CHSY3: variants seen among roughly 807,000 people sequenced by gnomAD.
The protein encoded by CHSY3 is N-acetylgalactosaminyl-proteoglycan 3-beta-glucuronosyltransferase 3.
Under a neutral mutation model 67.2 loss-of-function variants are expected in CHSY3, and 35 were observed. The ratio of observed to expected loss-of-function variants is 0.52; its 90% confidence interval spans 0.40 to 0.69. The LOEUF (loss-of-function observed/expected upper bound fraction) is 0.69. CHSY3 is among the 30% of genes least tolerant of loss of function. The pLI, the probability that CHSY3 is intolerant of heterozygous loss-of-function variation, is 0.00. For synonymous variants in CHSY3, 474 were observed against 434.7 expected, an observed-to-expected ratio of 1.09 and a Z score of -1.12; for missense variants, 1,069 against 1,138.5, an observed-to-expected ratio of 0.94 and a Z score of 0.88.
At chr5:130,174,669 A>G (rs935733282) in intron 2 of CHSY3, among the ~76,000 whole-genome samples, 13 of 152,208 alleles carry the variant, frequency 8.5e-5, no homozygotes, top group African/African-American at 2.9e-4. Flanking sequence ...ATTATATACA[A>G]TAATAATAAC....
At chr5:129,955,014 G>A (rs556094934) in intron 2 of CHSY3, among the ~76,000 whole-genome samples, 3 of 151,954 alleles carry the variant, frequency 2.0e-5, no homozygotes, top group African/African-American at 7.3e-5. Flanking sequence ...GTCTATAGGC[G>A]CATGCCACAA....
intron 2 of CHSY3, among the ~76,000 whole-genome samples, chr5:129,962,239 C>G (rs1762346683): frequency 6.6e-6 from 1 of 151,980 alleles, no homozygotes; most frequent in Admixed American, 6.6e-5. Context: ...CTTTTCTTCT[C>G]TAATCTCAGC....
chr5:130,058,770 A>G (rs1765617342), intron 2 of CHSY3, among the ~76,000 whole-genome samples: 1 of 152,228 alleles, frequency 6.6e-6, no homozygotes. Flanking sequence ...ATGTTCTCTT[A>G]TTCTTCTGGA....
intron 2 of CHSY3, chr5:130,001,459 G>T (rs1381277255): frequency 1.1e-6 from 1 of 909,806 alleles, no homozygotes. Context: ...GACACAGTAG[G>T]CTTTGCTCCT....
intron 2 of CHSY3, among the ~76,000 whole-genome samples, chr5:130,084,385 C>T (rs2149688266): frequency 6.6e-6 from 1 of 151,902 alleles, no homozygotes; most frequent in African/African-American, 2.4e-5. Context: ...TTTGATCATT[C>T]CACAATGTAG....
intron 2 of CHSY3, among the ~76,000 whole-genome samples, chr5:129,933,517 C>T (rs541544779): frequency 1.2e-4 from 19 of 152,136 alleles, no homozygotes; most frequent in Non-Finnish European, 2.4e-4. Flanking sequence ...AAGGGTGTAA[C>T]AGAAGTGTTT....
chr5:129,918,804 C>CT (rs201855937), intron 2 of CHSY3, among the ~76,000 whole-genome samples: 12 of 54,172 alleles, frequency 2.2e-4, no homozygotes, highest in Admixed American at 1.7e-3. Flanking sequence ...CAGTGATTCT[C>CT]TTTTAAAAAA....
chr5:129,955,453 TCTCC>T (rs1762144402), intron 2 of CHSY3, among the ~76,000 whole-genome samples: 2 of 151,582 alleles, frequency 1.3e-5, no homozygotes, highest in Non-Finnish European at 2.9e-5. Flanking sequence ...TTTTTCCTTT[TCTCC>T]CTCCTTTCTT....
At chr5:130,151,024 A>G (rs1158258784) in intron 2 of CHSY3, among the ~76,000 whole-genome samples, 1 of 152,218 alleles carries the variant, frequency 6.6e-6, no homozygotes, top group Non-Finnish European at 1.5e-5. Flanking sequence ...CAACTAATGC[A>G]GGAACATTTT....
chr5:130,140,404 A>G, intron 2 of CHSY3: 1 of 708,792 alleles, frequency 1.4e-6, no homozygotes, highest in Non-Finnish European at 2.4e-6. Context: ...GATAAAGATG[A>G]AGGAAATTGC....
At chr5:129,912,602 C>G (rs2149577395) in intron 2 of CHSY3, among the ~76,000 whole-genome samples, 1 of 152,222 alleles carries the variant, frequency 6.6e-6, no homozygotes. Context: ...AAATAAATTT[C>G]AAATGTATTT....
intron 2 of CHSY3, among the ~76,000 whole-genome samples, chr5:130,042,097 A>G (rs1765020234): frequency 6.6e-6 from 1 of 152,014 alleles, no homozygotes; most frequent in East Asian, 1.9e-4. Flanking sequence ...TTAGCTGGAC[A>G]TGGTGGCACA....
At position 129,904,991 on chromosome 5, in the gene CHSY3, C is replaced by T. The variant is rs767688352; in HGVS notation, c.162C>T (p.Gly54=). The T allele has an allele frequency of 2.6e-6, 4 of 1,567,710 alleles. No homozygotes were observed. The highest frequency in any genetic ancestry group is 4.7e-5 in the East Asian group (2 of 42,826). The change falls in exon 1 of 3, where the codon GGC becomes GGT. Residue 54 remains glycine (G), a synonymous_variant. Transcript: ENST00000305031. ...CCTACTACGGTCGCTCTGCTGCTGG[C>T]CCCCGCGCCGGCGCTCAGCAGCCGC... ...LCSYYGRSAA[G]PRAGAQQPLP... is the part of the protein sequence containing the mutation.
intron 2 of CHSY3, among the ~76,000 whole-genome samples, chr5:130,013,828 T>G (rs950133634): frequency 6.6e-6 from 1 of 152,236 alleles, no homozygotes; most frequent in Non-Finnish European, 1.5e-5. Flanking sequence ...TTGTTACTTA[T>G]GCAAATTTCT....
intron 2 of CHSY3, among the ~76,000 whole-genome samples, chr5:129,977,852 T>C (rs1251728675): frequency 7.2e-6 from 1 of 139,382 alleles, no homozygotes; most frequent in Non-Finnish European, 1.6e-5. Context: ...AGTATGACCA[T>C]TATAAATATA....
intron 2 of CHSY3, among the ~76,000 whole-genome samples, chr5:130,028,964 C>T (rs746832683): frequency 5.9e-5 from 9 of 151,918 alleles, no homozygotes; most frequent in Non-Finnish European, 1.0e-4. Context: ...TTCTTTTTCC[C>T]TCCTCCTCTC....
intron 2 of CHSY3, among the ~76,000 whole-genome samples, chr5:130,100,370 T>G (rs1280802486): frequency 7.3e-6 from 1 of 136,778 alleles, no homozygotes; most frequent in Non-Finnish European, 1.6e-5. Flanking sequence ...TTTTTTTTTG[T>G]ATTTTTAGTA....
At chr5:129,970,990 T>G (rs1762626255) in intron 2 of CHSY3, among the ~76,000 whole-genome samples, 1 of 151,888 alleles carries the variant, frequency 6.6e-6, no homozygotes, top group Admixed American at 6.6e-5. Flanking sequence ...ATATTAAGGC[T>G]TATTATAGTA....
intron 2 of CHSY3, among the ~76,000 whole-genome samples, chr5:130,039,497 TA>T (rs1297679948): frequency 8.8e-6 from 1 of 114,108 alleles, no homozygotes; most frequent in Non-Finnish European, 2.0e-5. Context: ...ACCCTGTATC[TA>T]AAAACAAAAA....
Sources: gnomAD v4.1 joint callset for allele counts (sites outside exome capture counted in the v4.1 genomes callset) on GRCh38, gnomAD v4.1.1 for gene constraint, MANE v1.5 for transcripts, NCBI Gene and HGNC (gene_info 2026-07-23, HGNC 2026-07-21) for gene names.